Variants in NPFFR1 observed in about 807,000 individuals in gnomAD.
NPFFR1 encodes the protein G-protein coupled receptor 147.
NPFFR1 carries 17 observed loss-of-function variants against 12.7 expected under a neutral mutation model. The ratio of observed to expected loss-of-function variants is 1.34; its 90% confidence interval spans 0.92 to 2.01. The LOEUF (loss-of-function observed/expected upper bound fraction) is 2.01. Among genes scored for constraint, NPFFR1 ranks in the 30% most tolerant of loss-of-function variants. The pLI is 0.00. For synonymous variants in NPFFR1, 296 were observed against 264.5 expected (o/e 1.12, Z -1.16); for missense variants, 604 against 606.5 (o/e 1.00, Z 0.04).
rs1840516182 is a variant in NPFFR1 at position 70,251,947 on chromosome 10, G to A, written c.*3010C>T. On this transcript the variant is annotated 3_prime_UTR_variant, in exon 4 of 4. Transcript: ENST00000277942. ...AGCTGGGGTGGGCACAGGGAAGTGAGACACATCACAGCTGTCCTGGAAGCC... is the reference window on the plus strand; with the variant it reads ...AGCTGGGGTGGGCACAGGGAAGTGAAACACATCACAGCTGTCCTGGAAGCC... 1 of 152,230 alleles carries A rather than the reference G, an allele frequency of 6.6e-6. No individual in the cohort carries two copies. The highest frequency in any genetic ancestry group is 6.5e-5 in the Admixed American group (1 of 15,282). 9.4% of individuals were successfully genotyped at this position (152,230 alleles called of 1,614,324 possible).
At chr10:70,267,461 T>C (rs1212963142) in intron 1 of NPFFR1, among the ~76,000 whole-genome samples, 1 of 152,202 alleles carries the variant, frequency 6.6e-6, no homozygotes, top group African/African-American at 2.4e-5. Context: ...CCCTAAGGTG[T>C]TAGCTTCATT....
chr10:70,248,471 T>TTTC lies in NPFFR1; in HGVS notation c.*6485_*6486insGAA, dbSNP rs1840474244. On this transcript the variant is annotated 3_prime_UTR_variant, in exon 4 of 4. Transcript: ENST00000277942. ...GTACGTAGTACTATGCCTGGCGTTT[T>TTTC]TTTTTTGTTTTTTGTTTTTTTTTTT... is the stretch of plus-strand genomic sequence containing the variant. 1 of 89,132 alleles carries TTTC rather than the reference T, an allele frequency of 1.1e-5. No homozygotes were observed. The highest frequency in any genetic ancestry group is 2.5e-5 in the Non-Finnish European group (1 of 40,644). 5.5% of individuals were successfully genotyped at this position (89,132 alleles called of 1,614,324 possible).
chr10:70,256,371 C>T (rs983419729), intron 3 of NPFFR1, among the ~76,000 whole-genome samples: 2 of 152,218 alleles, frequency 1.3e-5, no homozygotes, highest in Non-Finnish European at 2.9e-5. Context: ...TATGAGCCTC[C>T]TTGCGGGGCC....
chr10:70,258,527 G>A (rs1253134154), intron 3 of NPFFR1, among the ~76,000 whole-genome samples: 2 of 152,162 alleles, frequency 1.3e-5, no homozygotes, highest in East Asian at 1.9e-4. Context: ...AATACTTTCT[G>A]AGCCTTAGTT....
chr10:70,247,769 G>A lies in NPFFR1; in HGVS notation c.*7188C>T, dbSNP rs1205134551. 1.3e-5 allele frequency: 2 copies of A among 152,272 alleles called. No homozygotes were observed. Among genetic ancestry groups the A allele is most frequent in the African/African-American group, 4.8e-5 (2 of 41,470 alleles). The allele number at this position is 152,272 out of a possible 1,614,324, so 9.4% of individuals were successfully genotyped here. A position where few individuals can be genotyped will look rare whatever the true frequency, so the allele number is the denominator to read the frequency against. On this transcript the variant is annotated 3_prime_UTR_variant, in exon 4 of 4. Transcript: ENST00000277942. Reference sequence around the variant, plus strand: ...TCATTTATTGGTGACAGGATTCAAAGACCTGGGCATTGCAGCTAGCAGGAG... The same window carrying A: ...TCATTTATTGGTGACAGGATTCAAAAACCTGGGCATTGCAGCTAGCAGGAG...
At chr10:70,266,621 A>G (rs1840694334) in intron 1 of NPFFR1, among the ~76,000 whole-genome samples, 1 of 151,970 alleles carries the variant, frequency 6.6e-6, no homozygotes. Context: ...TCATTCTCCA[A>G]TGTTGGTTTT....
At chr10:70,265,991 G>T in intron 2 of NPFFR1, 86 bp downstream of exon 2, 1 of 1,298,106 alleles carries the variant, frequency 7.7e-7, no homozygotes, top group Non-Finnish European at 1.1e-6. Context: ...AATGATATCT[G>T]TCTTCTAAGC....
intron 3 of NPFFR1, among the ~76,000 whole-genome samples, chr10:70,259,480 A>C (rs1840612445): frequency 6.6e-6 from 1 of 151,806 alleles, no homozygotes; most frequent in Admixed American, 6.6e-5. Flanking sequence ...GAAGTTGTAC[A>C]CTCTCATTTC....
intron 2 of NPFFR1, among the ~76,000 whole-genome samples, chr10:70,263,564 C>T (rs12354999): frequency 0.27 from 40,341 of 152,068 alleles, 5,966 homozygotes; most frequent in South Asian, 0.44. Context: ...TGAGCCACCG[C>T]GCCCGGCCAT....
At chr10:70,257,470 C>A (rs1840583939) in intron 3 of NPFFR1, among the ~76,000 whole-genome samples, 1 of 152,344 alleles carries the variant, frequency 6.6e-6, no homozygotes, top group South Asian at 2.1e-4. Flanking sequence ...TGGTAAAAGT[C>A]ATCGCCATTC....
rs1470297985 is a variant in NPFFR1 at position 70,255,911 on chromosome 10, A to G, written c.423-84T>C. 2.8e-6 allele frequency: 4 copies of G among 1,422,830 alleles called. No individual in the cohort carries two copies. Among genetic ancestry groups the G allele is most frequent in the Non-Finnish European group, 2.9e-6 (3 of 1,051,858 alleles). 88.1% of individuals were successfully genotyped at this position (1,422,830 alleles called of 1,614,324 possible). On this transcript the variant is annotated intron_variant, in intron 3 of 3. Coordinates refer to ENST00000277942, the MANE Select transcript of NPFFR1 (RefSeq NM_022146.5). The surrounding 1 kb of genome is among the most constrained non-coding windows in gnomAD (Gnocchi z 4.2). The stretch of plus-strand genomic sequence containing the variant: ...ACGGTGGGTGGGATGCGGGCACCTG[A>G]CCTTCATCATCGCATCTAGGGCGGC...
At position 70,276,559 on chromosome 10, in the gene NPFFR1, C is replaced by T. The variant is rs144370851; in HGVS notation, c.7+7111G>A. Among the ~76,000 whole-genome samples the T allele has an allele frequency of 5.9e-4, 88 of 150,032 alleles. 1 individual carries two copies. The East Asian group carries it at 9.4e-3, about 16-fold the overall frequency. On this transcript the variant is annotated intron_variant, in intron 1 of 3. Transcript: ENST00000277942. ...CAAAAAGCTTTTGAGCATGAGAGACCGAATTTAATTCTTTATGTTTGTATC... is the reference window on the plus strand; with the variant it reads ...CAAAAAGCTTTTGAGCATGAGAGACTGAATTTAATTCTTTATGTTTGTATC...
intron 1 of NPFFR1, among the ~76,000 whole-genome samples, chr10:70,281,049 G>C (rs41322152): frequency 0.027 from 4,051 of 152,288 alleles, 171 homozygotes; most frequent in African/African-American, 0.092. Context: ...CCGCAAAAGA[G>C]AGAGTAAACC....
rs114193658 is a variant in NPFFR1, at chr10:70,275,707, T to C, written c.7+7963A>G. ...AGAACATAAATATGATTAATGTATGTTGATAAGTTAGGTACTAAAGGCTAT... is the reference window on the plus strand; with the variant it reads ...AGAACATAAATATGATTAATGTATGCTGATAAGTTAGGTACTAAAGGCTAT... On this transcript the variant is annotated intron_variant, in intron 1 of 3. Transcript: ENST00000277942. Among the ~76,000 whole-genome samples, 507 of 152,298 alleles carry C rather than the reference T, an allele frequency of 3.3e-3. 3 individuals are homozygous for C. Among genetic ancestry groups the C allele is most frequent in the African/African-American group, 0.011 (467 of 41,564 alleles).
intron 1 of NPFFR1, among the ~76,000 whole-genome samples, chr10:70,267,819 G>C (rs973953252): frequency 5.9e-5 from 9 of 152,172 alleles, no homozygotes; most frequent in African/African-American, 2.2e-4. Flanking sequence ...AGCAGGGCCA[G>C]CGAGCTGGCA....
intron 2 of NPFFR1, among the ~76,000 whole-genome samples, chr10:70,265,623 A>C (rs1465528788): frequency 6.6e-6 from 1 of 152,088 alleles, no homozygotes; most frequent in Non-Finnish European, 1.5e-5. Flanking sequence ...ACTTCTCCCC[A>C]CTGGCTCTAA....
Position 70,277,340 on chromosome 10 carries a change from C to T in NPFFR1, c.7+6330G>A, listed in dbSNP as rs542813685. Among the ~76,000 whole-genome samples, 8 of 152,350 alleles carry T rather than the reference C, an allele frequency of 5.3e-5. No homozygotes were observed. The East Asian group carries it at 1.5e-3, about 29-fold the overall frequency. Reference sequence around the variant, plus strand: ...GCAGTTCAAACCAGGGCAATCTGTGCCTCCTGGGCCTCAGTTTTATCATCT... The same window carrying T: ...GCAGTTCAAACCAGGGCAATCTGTGTCTCCTGGGCCTCAGTTTTATCATCT... On this transcript the variant is annotated intron_variant, in intron 1 of 3. Transcript: ENST00000277942.
chr10:70,267,905 C>T (rs934792657), intron 1 of NPFFR1, among the ~76,000 whole-genome samples: 7 of 152,130 alleles, frequency 4.6e-5, no homozygotes, highest in African/African-American at 1.7e-4. Context: ...CGGCGGGAGG[C>T]GGACAACCTG....
chr10:70,280,125 C>T (rs552297535), intron 1 of NPFFR1, among the ~76,000 whole-genome samples: 10 of 152,326 alleles, frequency 6.6e-5, no homozygotes, highest in East Asian at 5.8e-4. Flanking sequence ...ATCCATTCAT[C>T]GGTTTATATA....
Sources: gnomAD v4.1 joint callset for allele counts (sites outside exome capture counted in the v4.1 genomes callset) on GRCh38, gnomAD v4.1.1 for gene constraint, Gnocchi (gnomAD v3.1) non-coding constraint, MANE v1.5 for transcripts, NCBI Gene and HGNC (gene_info 2026-07-23, HGNC 2026-07-21) for gene names.